The following SPECC1 variants were observed in gnomAD, a reference collection of about 807,000 sequenced individuals.
SPECC1 encodes the protein cytospin-B.
SPECC1 carries 62 observed loss-of-function variants against 104.1 expected under a neutral mutation model. The observed-to-expected ratio is 0.60, with a 90% confidence interval of 0.49 to 0.74. The LOEUF (loss-of-function observed/expected upper bound fraction) is 0.74. SPECC1 is among the 30% of genes least tolerant of loss of function. SPECC1 has a pLI of 0.00. For synonymous variants in SPECC1, 513 were observed against 501.6 expected, an observed-to-expected ratio of 1.02 and a Z score of -0.30; for missense variants, 1,306 against 1,310.5, an observed-to-expected ratio of 1.00 and a Z score of 0.05.
At chr17:20,285,111 T>C (rs958478070) in intron 12 of SPECC1, among the ~76,000 whole-genome samples, 3 of 152,124 alleles carry the variant, frequency 2.0e-5, no homozygotes, top group Non-Finnish European at 4.4e-5. Flanking sequence ...GTGATTGATG[T>C]TTTTTACCAA....
intron 1 of SPECC1, among the ~76,000 whole-genome samples, chr17:20,031,201 G>A (rs1299455400): frequency 6.6e-6 from 1 of 152,058 alleles, no homozygotes; most frequent in Non-Finnish European, 1.5e-5. Flanking sequence ...TGCCATGTTG[G>A]CCAGGCTGGT....
intron 3 of SPECC1, among the ~76,000 whole-genome samples, chr17:20,152,115 A>G (rs1203885183): frequency 6.6e-6 from 1 of 152,028 alleles, no homozygotes; most frequent in East Asian, 1.9e-4. Context: ...AGCCTGACCA[A>G]CATGGTGAAA....
intron 12 of SPECC1, among the ~76,000 whole-genome samples, chr17:20,296,458 G>A (rs1047404768): frequency 6.6e-6 from 1 of 152,196 alleles, no homozygotes; most frequent in African/African-American, 2.4e-5. Context: ...GTAGCGTGAT[G>A]CCTCCAGCTT....
intron 1 of SPECC1, among the ~76,000 whole-genome samples, chr17:20,013,871 TTTGA>T (rs1403552855): frequency 6.6e-6 from 1 of 152,084 alleles, no homozygotes; most frequent in Non-Finnish European, 1.5e-5. Flanking sequence ...TACATTTGAC[TTTGA>T]TTGGCAGTTG....
intron 6 of SPECC1, 57 bp downstream of exon 6, chr17:20,231,888 G>A: frequency 1.1e-5 from 17 of 1,538,262 alleles, no homozygotes; most frequent in Non-Finnish European, 1.5e-5. Flanking sequence ...CCGCTCCGAG[G>A]TGTGGATCAC....
chr17:20,022,910 G>A (rs115722881), intron 1 of SPECC1, among the ~76,000 whole-genome samples: 141 of 152,324 alleles, frequency 9.3e-4, no homozygotes, highest in African/African-American at 3.2e-3. Context: ...ACTATTGGAT[G>A]GGTGTCAGCA....
chr17:20,298,348 C>G (rs191457594), intron 13 of SPECC1, among the ~76,000 whole-genome samples: 2 of 152,012 alleles, frequency 1.3e-5, no homozygotes, highest in African/African-American at 2.4e-5. Context: ...AAAAGAAAAA[C>G]AAACTGGCAT....
chr17:20,112,222 G>A, intron 3 of SPECC1: 1 of 763,948 alleles, frequency 1.3e-6, no homozygotes, highest in South Asian at 1.3e-5. Context: ...GATCACAGAG[G>A]AGCTTTCTTA....
Position 20,238,560 on chromosome 17 carries a change from G to T in SPECC1, c.2351+6155G>T, listed in dbSNP as rs75741679. 6.4e-3 allele frequency: 6,700 copies of T among 1,043,008 alleles called. 292 individuals carry two copies. The African/African-American group carries it at 0.097, about 15-fold the overall frequency. The allele number at this position is 1,043,008 out of a possible 1,614,324, so 64.6% of individuals were successfully genotyped here. ...CTTTAAACTCAGGAAGATCTTTTGG[G>T]GTGTCAAACTGGACAGCACAGAATC... On this transcript the variant is annotated intron_variant, in intron 7 of 14. Transcript: ENST00000395527.
chr17:20,150,677 C>T lies in SPECC1; in HGVS notation c.283+40115C>T, dbSNP rs773087797. Among the ~76,000 whole-genome samples, 3 of 151,506 alleles carry T rather than the reference C, an allele frequency of 2.0e-5. No individual in the cohort carries two copies. In the South Asian group the frequency reaches 6.3e-4, roughly 32 times the overall value. ...GTGCTGGGATTACAGGTTTGAGCCACCGTGACTGGCCTGTAACTATTTCTT... is the reference window on the plus strand; with the variant it reads ...GTGCTGGGATTACAGGTTTGAGCCATCGTGACTGGCCTGTAACTATTTCTT... On this transcript the variant is annotated intron_variant, in intron 3 of 14. Coordinates refer to ENST00000395527, the MANE Select transcript of SPECC1 (RefSeq NM_001243439.2).
intron 1 of SPECC1, among the ~76,000 whole-genome samples, chr17:20,085,240 G>A (rs965515869): frequency 6.6e-6 from 1 of 152,238 alleles, no homozygotes; most frequent in African/African-American, 2.4e-5. Context: ...CAACAAAGAG[G>A]AGGTGGAGGT....
intron 1 of SPECC1, among the ~76,000 whole-genome samples, chr17:20,080,074 C>A (rs143447152): frequency 6.6e-6 from 1 of 152,270 alleles, no homozygotes; most frequent in East Asian, 1.9e-4. Flanking sequence ...GTTCCTAAAA[C>A]TGACTTAACA....
chr17:20,148,819 A>G (rs2031715664), intron 3 of SPECC1, among the ~76,000 whole-genome samples: 1 of 152,022 alleles, frequency 6.6e-6, no homozygotes, highest in Non-Finnish European at 1.5e-5. Context: ...TCCCAGGTTC[A>G]AGCGATTCTC....
intron 1 of SPECC1, among the ~76,000 whole-genome samples, chr17:20,034,801 C>T (rs1405012781): frequency 1.3e-5 from 2 of 151,996 alleles, no homozygotes; most frequent in Non-Finnish European, 2.9e-5. Context: ...GATGGGGCTT[C>T]TCCATGTTGA....
intron 12 of SPECC1, among the ~76,000 whole-genome samples, chr17:20,283,826 C>T (rs1021863500): frequency 3.9e-5 from 6 of 152,114 alleles, no homozygotes; most frequent in African/African-American, 1.4e-4. Flanking sequence ...TGGCCTCGAG[C>T]GATCCACTTG....
chr17:20,082,770 TAC>T (rs1348480877), intron 1 of SPECC1, among the ~76,000 whole-genome samples: 1 of 152,144 alleles, frequency 6.6e-6, no homozygotes, highest in East Asian at 1.9e-4. Flanking sequence ...TCTCTCCAAA[TAC>T]AGTTACATTC....
At chr17:20,209,838 G>C (rs1468397752) in intron 4 of SPECC1, among the ~76,000 whole-genome samples, 2 of 152,098 alleles carry the variant, frequency 1.3e-5, no homozygotes, top group Non-Finnish European at 2.9e-5. Context: ...TTGGGATCTT[G>C]GTTTCAAGTT....
intron 10 of SPECC1, among the ~76,000 whole-genome samples, chr17:20,253,878 G>T (rs2039725293): frequency 1.3e-5 from 2 of 151,768 alleles, no homozygotes; most frequent in Non-Finnish European, 2.9e-5. Flanking sequence ...TGTTTCCCAG[G>T]CTGGTCTCAA....
chr17:20,015,685 C>T (rs1317815423), intron 1 of SPECC1, among the ~76,000 whole-genome samples: 1 of 148,424 alleles, frequency 6.7e-6, no homozygotes, highest in Non-Finnish European at 1.5e-5. Context: ...CCCAGGTTCA[C>T]GCCATTCTCC....
Sources: allele counts gnomAD v4.1 joint callset (sites outside exome capture counted in the v4.1 genomes callset), GRCh38; gene constraint gnomAD v4.1.1; transcripts MANE v1.5; gene names NCBI Gene and HGNC (gene_info 2026-07-23, HGNC 2026-07-21).